RASSF3: variants seen among roughly 807,000 people sequenced by gnomAD.
The protein encoded by RASSF3 is Ras association domain family member 3.
RASSF3 carries 19 observed loss-of-function variants against 19.9 expected under a neutral mutation model. The observed-to-expected ratio is 0.96, with a 90% CI of 0.67 to 1.40. The LOEUF is 1.40. Ranked by LOEUF, RASSF3 falls within the 40% of genes most tolerant of loss-of-function variation. The probability of loss-of-function intolerance (pLI) is 0.00; values close to 1 mark genes in which losing one functional copy is unlikely to be tolerated. For missense variants in RASSF3, 306 were observed against 289.8 expected, an observed-to-expected ratio of 1.06 and a Z score of -0.41; for synonymous variants, 110 against 104.2, an observed-to-expected ratio of 1.06 and a Z score of -0.34.
intron 1 of RASSF3, among the ~76,000 whole-genome samples, chr12:64,651,417 G>A (rs539130104): frequency 2.8e-4 from 42 of 152,278 alleles, no homozygotes; most frequent in African/African-American, 9.1e-4. Flanking sequence ...GGAGTGCAGT[G>A]GCTTGATACT....
At chr12:64,567,044 G>C (rs747622006) in intron 2 of RASSF3, among the ~76,000 whole-genome samples, 2 of 152,172 alleles carry the variant, frequency 1.3e-5, no homozygotes, top group Non-Finnish European at 2.9e-5. Flanking sequence ...CTTGCTACTG[G>C]TGGAGGAAGT....
chr12:64,604,567 A>T (rs1167612506), intron 2 of RASSF3, among the ~76,000 whole-genome samples: 1 of 152,076 alleles, frequency 6.6e-6, no homozygotes, highest in South Asian at 2.1e-4. Flanking sequence ...ACCAAAGAGA[A>T]CAGCCGCTGA....
At chr12:64,694,725 TA>T (rs1372745052) in intron 4 of RASSF3, 37 bp from the exon 5 acceptor site, 1 of 1,612,172 alleles carries the variant, frequency 6.2e-7, no homozygotes, top group Admixed American at 1.7e-5. Context: ...AACTGAGTAT[TA>T]AACATCTGGC....
At chr12:64,690,823 A>C (rs1207315542) in intron 3 of RASSF3, among the ~76,000 whole-genome samples, 1 of 149,094 alleles carries the variant, frequency 6.7e-6, no homozygotes, top group South Asian at 2.1e-4. Flanking sequence ...ACCCTTTTTT[A>C]GGTTTCTTAT....
At chr12:64,539,592 A>G (rs1179707673) in intron 1 of RASSF3, among the ~76,000 whole-genome samples, 1 of 152,148 alleles carries the variant, frequency 6.6e-6, no homozygotes, top group African/African-American at 2.4e-5. Context: ...CCTAGGCAAC[A>G]TGGTGAAACC....
intron 1 of RASSF3, among the ~76,000 whole-genome samples, chr12:64,666,033 A>G (rs1015899817): frequency 3.9e-5 from 6 of 152,268 alleles, no homozygotes; most frequent in Admixed American, 2.0e-4. Context: ...ACTGAGGCTT[A>G]GTGAGACTGA....
chr12:64,533,216 T>A (rs1868752153), upstream of RASSF3: 2 of 152,232 alleles, frequency 1.3e-5, no homozygotes, highest in Admixed American at 6.5e-5. Context: ...CTCAGCCTGT[T>A]ACCATCAGCT....
At chr12:64,589,169 G>C (rs879516311) in intron 2 of RASSF3, among the ~76,000 whole-genome samples, 4 of 152,228 alleles carry the variant, frequency 2.6e-5, no homozygotes, top group Non-Finnish European at 5.9e-5. Flanking sequence ...GTCAGCATAG[G>C]CCAGGCGCAG....
intron 1 of RASSF3, among the ~76,000 whole-genome samples, chr12:64,613,910 T>C (rs1386201270): frequency 6.6e-6 from 1 of 151,884 alleles, no homozygotes; most frequent in Non-Finnish European, 1.5e-5. Context: ...ATCGCACCAC[T>C]GCACTCCAGC....
intron 1 of RASSF3, among the ~76,000 whole-genome samples, chr12:64,669,150 A>G (rs1446685023): frequency 6.6e-6 from 1 of 152,214 alleles, no homozygotes. Flanking sequence ...TTTCCATTCT[A>G]AACATTCTCA....
intron 2 of RASSF3, among the ~76,000 whole-genome samples, chr12:64,555,915 T>TTAA (rs1168705856): frequency 1.3e-5 from 2 of 152,044 alleles, no homozygotes; most frequent in Non-Finnish European, 2.9e-5. Context: ...AGTCTCCCCC[T>TTAA]TAAAATAGAT....
chr12:64,694,327 C>T (rs535794070), intron 4 of RASSF3, among the ~76,000 whole-genome samples: 13 of 152,086 alleles, frequency 8.5e-5, no homozygotes, highest in East Asian at 3.9e-4. Context: ...GGGGCCGTAC[C>T]GAGGGAGAAA....
intron 1 of RASSF3, among the ~76,000 whole-genome samples, chr12:64,520,598 A>G (rs1159799782): frequency 6.9e-6 from 1 of 144,904 alleles, no homozygotes; most frequent in African/African-American, 2.6e-5. Context: ...ATATATATGC[A>G]CATATATGTT....
intron 1 of RASSF3, among the ~76,000 whole-genome samples, chr12:64,670,108 T>A (rs1210232463): frequency 2.0e-5 from 3 of 151,954 alleles, no homozygotes; most frequent in African/African-American, 7.2e-5. Context: ...GGAGCTCAGG[T>A]TCGCTCTATC....
intron 1 of RASSF3, among the ~76,000 whole-genome samples, chr12:64,534,514 AAAAT>A (rs991381993): frequency 4.6e-5 from 7 of 152,168 alleles, no homozygotes; most frequent in African/African-American, 1.7e-4. Context: ...ATAGAATAAT[AAAAT>A]AAATCAAATA....
At position 64,572,431 on chromosome 12, in the gene RASSF3, T is replaced by A. The variant is rs144604014; in HGVS notation, c.294+30726T>A. Among the ~76,000 whole-genome samples the A allele has an allele frequency of 4.4e-3, 663 of 152,108 alleles. 5 individuals carry two copies. Among genetic ancestry groups the A allele is most frequent in the African/African-American group, 0.016 (650 of 41,400 alleles). ...CAGGAGGAAAGCCCTCACCAGAACTTGACCATGCTGGTACCCTGATCTTGG... is the reference window on the plus strand; with the variant it reads ...CAGGAGGAAAGCCCTCACCAGAACTAGACCATGCTGGTACCCTGATCTTGG... On this transcript the variant is annotated intron_variant, in intron 2 of 5. Coordinates refer to the RASSF3 transcript ENST00000637125.
intron 1 of RASSF3, among the ~76,000 whole-genome samples, chr12:64,517,015 A>G (rs575232210): frequency 1.3e-4 from 19 of 150,800 alleles, no homozygotes; most frequent in Admixed American, 5.9e-4. Flanking sequence ...AAAAAAAAAA[A>G]AAAAAAGAAA....
At chr12:64,642,643 TTAATTAATACAAATTAATACAAAGTTTTG>T (rs1317488294) in intron 1 of RASSF3, among the ~76,000 whole-genome samples, 2 of 147,824 alleles carry the variant, frequency 1.4e-5, no homozygotes, top group Admixed American at 6.7e-5. Context: ...TAATACAAAG[TTAATTAATACAAATTAATACAAAGTTTTG>T]TAATTAATAC....
chr12:64,543,249 C>T (rs1440048145), downstream of RASSF3, among the ~76,000 whole-genome samples: 4 of 148,808 alleles, frequency 2.7e-5, 1 homozygote, highest in Non-Finnish European at 4.5e-5. Context: ...CGCCGCCCGC[C>T]CAGGCAGTGA....
Sources: gnomAD v4.1 joint callset for allele counts (sites outside exome capture counted in the v4.1 genomes callset) on GRCh38, gnomAD v4.1.1 for gene constraint, MANE v1.5 for transcripts, NCBI Gene and HGNC (gene_info 2026-07-23, HGNC 2026-07-21) for gene names.